SATB2: variants seen among roughly 807,000 people sequenced by gnomAD.
The protein encoded by SATB2 is SATB homeobox 2, also known as DNA-binding protein SATB2.
Under a neutral mutation model 73.4 loss-of-function variants are expected in SATB2, and 1 was observed. The ratio of observed to expected loss-of-function variants is 0.01; its 90% CI spans 0.00 to 0.06. The LOEUF (loss-of-function observed/expected upper bound fraction) is 0.06, where lower values mean the gene tolerates loss of function less well. SATB2 is among the 10% of genes least tolerant of loss of function. The probability of loss-of-function intolerance (pLI) is 1.00; values close to 1 mark genes in which losing one functional copy is unlikely to be tolerated. For synonymous variants in SATB2, 397 were observed against 367.0 expected, an observed-to-expected ratio of 1.08 and a Z score of -0.93; for missense variants, 459 against 945.8, an observed-to-expected ratio of 0.49 and a Z score of 6.75.
chr2:199,464,664 C>T lies in SATB2; in HGVS notation c.-141+172G>A, dbSNP rs935141231. Among the ~76,000 whole-genome samples the T allele has an allele frequency of 4.6e-5, 7 of 152,168 alleles. No individual in the cohort carries two copies. The East Asian group carries it at 1.4e-3, about 29-fold the overall frequency. ...GCGGGCCGGGGTCTGGCGAGCCAGG[C>T]AGCGGGCCGGCTGAGCTCCTGCGCC... On this transcript the variant is annotated intron_variant, in intron 1 of 11. Coordinates refer to the SATB2 transcript ENST00000260926. This position sits in a 1 kb window ranked among gnomAD's most constrained non-coding sequence, Gnocchi z 6.6.
chr2:199,300,320 A>C (rs546355547), intron 10 of SATB2, among the ~76,000 whole-genome samples: 3 of 151,820 alleles, frequency 2.0e-5, no homozygotes, highest in African/African-American at 7.2e-5. Flanking sequence ...AAGAAAGCCA[A>C]TGAAGCTTTA....
At chr2:199,288,109 G>C (rs1245655308) in intron 10 of SATB2, among the ~76,000 whole-genome samples, 1 of 152,184 alleles carries the variant, frequency 6.6e-6, no homozygotes, top group South Asian at 2.1e-4. Flanking sequence ...AATTAAAAGT[G>C]AAAACAACAC....
intron 10 of SATB2, among the ~76,000 whole-genome samples, chr2:199,278,287 A>G (rs1692378917): frequency 6.6e-6 from 1 of 152,222 alleles, no homozygotes; most frequent in Non-Finnish European, 1.5e-5. Flanking sequence ...CAAGAAAGTC[A>G]GCACGTTAGA....
chr2:199,455,174 T>A lies in SATB2; in HGVS notation c.169+695A>T, dbSNP rs1303150565. Reference sequence around the variant, plus strand: ...CTTAAGTAGTAAAAACTACAAAAGATTTTCTTTAAATAAAATTATTAATAA... The same window carrying A: ...CTTAAGTAGTAAAAACTACAAAAGAATTTCTTTAAATAAAATTATTAATAA... On this transcript the variant is annotated intron_variant, in intron 2 of 10. Coordinates refer to ENST00000417098, the MANE Select transcript of SATB2 (RefSeq NM_001172509.2). The surrounding 1 kb of genome is among the most constrained non-coding windows in gnomAD (Gnocchi z 4.1). 1.3e-5 allele frequency among the ~76,000 whole-genome samples: 2 copies of A among 152,224 alleles called. No individual in the cohort carries two copies. Among genetic ancestry groups the A allele is most frequent in the Non-Finnish European group, 2.9e-5 (2 of 68,030 alleles).
At chr2:199,296,455 C>T (rs1687097703) in intron 10 of SATB2, among the ~76,000 whole-genome samples, 2 of 152,182 alleles carry the variant, frequency 1.3e-5, no homozygotes, top group South Asian at 4.2e-4. Context: ...CTTTGGGAGG[C>T]CGAGGCAGGT....
At chr2:199,433,653 A>C in intron 2 of SATB2, 139 bp from the exon 3 acceptor site, 1 of 802,686 alleles carries the variant, frequency 1.2e-6, no homozygotes, top group South Asian at 1.5e-5. Context: ...CCTCTTAGTC[A>C]TATAGGTCTA....
At chr2:199,291,448 A>C (rs1559145031) in intron 10 of SATB2, among the ~76,000 whole-genome samples, 1 of 152,248 alleles carries the variant, frequency 6.6e-6, no homozygotes, top group Non-Finnish European at 1.5e-5. Context: ...TACTTGCAGA[A>C]ATCAAAAAGC....
At chr2:199,395,561 T>C (rs986952260) in intron 3 of SATB2, among the ~76,000 whole-genome samples, 10 of 152,240 alleles carry the variant, frequency 6.6e-5, no homozygotes, top group African/African-American at 2.4e-4. Context: ...GTCTGACACT[T>C]AGTAGACACT....
At chr2:199,469,668 C>T (rs1692666606), upstream of SATB2, 1 of 152,396 alleles carries the variant, frequency 6.6e-6, no homozygotes, top group Non-Finnish European at 1.5e-5. Flanking sequence ...AGAGGCCGGA[C>T]CAAGTTCGCG....
At chr2:199,345,805 G>A (rs1275439557) in intron 7 of SATB2, among the ~76,000 whole-genome samples, 3 of 152,124 alleles carry the variant, frequency 2.0e-5, no homozygotes, top group Non-Finnish European at 4.4e-5. Context: ...AATTAAGATG[G>A]TGGGAGCACA....
intron 9 of SATB2, among the ~76,000 whole-genome samples, chr2:199,316,406 G>T (rs1687736691): frequency 6.6e-6 from 1 of 152,016 alleles, no homozygotes; most frequent in Non-Finnish European, 1.5e-5. Flanking sequence ...CCTGAAAAAA[G>T]ATTTGTGCTG....
At chr2:199,449,574 T>C (rs1041800848) in intron 2 of SATB2, among the ~76,000 whole-genome samples, 2 of 152,172 alleles carry the variant, frequency 1.3e-5, no homozygotes, top group African/African-American at 4.8e-5. Context: ...GAAAATAGCA[T>C]ACTATAATGA....
rs111914269 is a variant in SATB2 at position 199,439,925 on chromosome 2, G to A, written c.170-6411C>T. Among the ~76,000 whole-genome samples, 940 of 152,172 alleles carry A rather than the reference G, an allele frequency of 6.2e-3. 4 individuals are homozygous for A. The highest frequency in any genetic ancestry group is 0.017 in the African/African-American group (709 of 41,520). On this transcript the variant is annotated intron_variant, in intron 2 of 10. Transcript: ENST00000417098. ...TCGAGACCAGCCTGACCAACATGGTGAGACCCCCGTATCTACTAAAAATAC... is the reference window on the plus strand; with the variant it reads ...TCGAGACCAGCCTGACCAACATGGTAAGACCCCCGTATCTACTAAAAATAC...
chr2:199,396,246 T>A, intron 3 of SATB2: 1 of 152,218 alleles, frequency 6.6e-6, no homozygotes, highest in East Asian at 1.9e-4. Context: ...AATATTTTCT[T>A]AAAAATGTAT....
intron 2 of SATB2, among the ~76,000 whole-genome samples, chr2:199,451,954 T>C (rs1692136078): frequency 1.3e-5 from 2 of 152,140 alleles, no homozygotes. Context: ...AAGATAACTT[T>C]AACAGACAGT....
rs73986412 is a variant in SATB2 at position 199,383,949 on chromosome 2, T to C, written c.347-2129A>G. Among the ~76,000 whole-genome samples the C allele has an allele frequency of 2.2e-3, 340 of 152,344 alleles. 4 individuals carry two copies. The highest frequency in any genetic ancestry group is 7.7e-3 in the African/African-American group (321 of 41,582). The stretch of plus-strand genomic sequence containing the variant: ...AGGCAGGGACATATGGGGATTTTCT[T>C]GTTTGGCATGGTGGTTGCATGGTTA... On this transcript the variant is annotated intron_variant, in intron 3 of 10. Transcript: ENST00000417098.
chr2:199,428,210 A>C (rs1004890608), intron 3 of SATB2, among the ~76,000 whole-genome samples: 21 of 152,182 alleles, frequency 1.4e-4, no homozygotes, highest in African/African-American at 5.1e-4. Flanking sequence ...GGCCCTCTAC[A>C]AGTATTTAGT....
chr2:199,370,720 A>G lies in SATB2; in HGVS notation c.598-2013T>C, dbSNP rs79652881. Reference sequence around the variant, plus strand: ...CCCTCTCTTTGTCCTTGCTCCTGCTATATCTTCAATTGACCCTGCACAAGG... The same window carrying G: ...CCCTCTCTTTGTCCTTGCTCCTGCTGTATCTTCAATTGACCCTGCACAAGG... On this transcript the variant is annotated intron_variant, in intron 5 of 10. Transcript: ENST00000417098. Among the ~76,000 whole-genome samples, 759 of 152,232 alleles carry G rather than the reference A, an allele frequency of 5.0e-3. 1 individual carries two copies. Among genetic ancestry groups the G allele is most frequent in the African/African-American group, 9.3e-3 (387 of 41,556 alleles).
At chr2:199,383,678 A>C (rs1342423617) in intron 3 of SATB2, among the ~76,000 whole-genome samples, 2 of 152,194 alleles carry the variant, frequency 1.3e-5, no homozygotes, top group Admixed American at 1.3e-4. Context: ...AGACTAAGCA[A>C]GTAATATAAA....
Sources: gnomAD v4.1 joint callset for allele counts (sites outside exome capture counted in the v4.1 genomes callset) on GRCh38, gnomAD v4.1.1 for gene constraint, Gnocchi (gnomAD v3.1) non-coding constraint, MANE v1.5 for transcripts, NCBI Gene and HGNC (gene_info 2026-07-23, HGNC 2026-07-21) for gene names.